FBLN7: variants seen among roughly 807,000 people sequenced by gnomAD.
FBLN7 encodes fibulin-7.
In FBLN7, 31 loss-of-function variants were observed where a neutral mutation model predicts 44.0. The observed-to-expected ratio is 0.70, with a 90% CI of 0.53 to 0.95. The LOEUF is 0.95. FBLN7 is among the 40% of genes least tolerant of loss of function. FBLN7 has a pLI of 0.00. For missense variants in FBLN7, 573 were observed against 618.5 expected (o/e 0.93, Z 0.78); for synonymous variants, 262 against 253.4 (o/e 1.03, Z -0.32).
chr2:112,167,916 T>TTATGTTA (rs879705773), intron 3 of FBLN7, among the ~76,000 whole-genome samples: 1 of 152,174 alleles, frequency 6.6e-6, no homozygotes, highest in Non-Finnish European at 1.5e-5. Context: ...TTATGTTATG[T>TTATGTTA]TATGTTCACT....
chr2:112,198,025 C>T, the FBLN7 span, among the ~76,000 whole-genome samples: 1 of 152,050 alleles, frequency 6.6e-6, no homozygotes, highest in African/African-American at 2.4e-5. Flanking sequence ...ACTCTTAATC[C>T]CCACCCTGGA....
chr2:112,225,041 C>T, the FBLN7 span, among the ~76,000 whole-genome samples: 1 of 152,194 alleles, frequency 6.6e-6, no homozygotes, highest in East Asian at 1.9e-4. Context: ...CTGTTTGATG[C>T]TACTGAATGA....
intron 3 of FBLN7, among the ~76,000 whole-genome samples, chr2:112,170,168 GGAGGCGGA>G (rs1682381653): frequency 6.6e-6 from 1 of 152,106 alleles, no homozygotes; most frequent in South Asian, 2.1e-4. Flanking sequence ...CTTGAACCCG[GGAGGCGGA>G]GATTGCAGTG....
At chr2:112,221,617 C>T in the FBLN7 span, among the ~76,000 whole-genome samples, 245 of 152,186 alleles carry the variant, frequency 1.6e-3, no homozygotes, top group African/African-American at 5.5e-3. Context: ...AGCCAGTCTT[C>T]CAGCTCTGAG....
At chr2:112,199,854 C>T in the FBLN7 span, among the ~76,000 whole-genome samples, 20 of 152,234 alleles carry the variant, frequency 1.3e-4, no homozygotes, top group Non-Finnish European at 2.4e-4. Context: ...ATTATAGAAG[C>T]GAGCTCTCTC....
rs940396578 is a variant in FBLN7, at chr2:112,166,188, C to T, written c.406+1017C>T. On this transcript the variant is annotated intron_variant, in intron 3 of 7. Coordinates refer to ENST00000331203, the MANE Select transcript of FBLN7 (RefSeq NM_153214.3). The stretch of plus-strand genomic sequence containing the variant: ...GCCTCAGCCTCCTGAGTAGCTGGGA[C>T]TACAGGTGCCCACCACCACGTTCAG... Among the ~76,000 whole-genome samples, 3 of 152,180 alleles carry T rather than the reference C, an allele frequency of 2.0e-5. No individual in the cohort carries two copies. The South Asian group carries it at 6.2e-4, about 32-fold the overall frequency.
intron 6 of FBLN7, among the ~76,000 whole-genome samples, chr2:112,184,557 A>T (rs922646598): frequency 1.1e-4 from 17 of 151,994 alleles, no homozygotes; most frequent in African/African-American, 3.9e-4. Context: ...ACAAATCATG[A>T]TATTGAGGTG....
chr2:112,196,482 T>C, the FBLN7 span, among the ~76,000 whole-genome samples: 3 of 149,812 alleles, frequency 2.0e-5, no homozygotes, highest in Non-Finnish European at 4.4e-5. Flanking sequence ...CTCATGCCAC[T>C]TCAGTCTCCA....
chr2:112,169,888 G>A (rs1365191990), intron 3 of FBLN7, among the ~76,000 whole-genome samples: 3 of 152,154 alleles, frequency 2.0e-5, no homozygotes, highest in Non-Finnish European at 4.4e-5. Context: ...AGGAGGAATG[G>A]GATCTAGCCA....
At chr2:112,220,039 C>T in the FBLN7 span, among the ~76,000 whole-genome samples, 2 of 152,176 alleles carry the variant, frequency 1.3e-5, no homozygotes, top group Non-Finnish European at 2.9e-5. Flanking sequence ...AGCCTAAGGG[C>T]GTCATTGCAT....
chr2:112,227,043 C>T, the FBLN7 span, among the ~76,000 whole-genome samples: 1 of 152,094 alleles, frequency 6.6e-6, no homozygotes, highest in Admixed American at 6.6e-5. Context: ...AGGAGAGAAC[C>T]TCCTTCAACT....
the FBLN7 span, chr2:112,215,127 T>C: frequency 6.6e-6 from 1 of 152,200 alleles, no homozygotes; most frequent in Non-Finnish European, 1.5e-5. Flanking sequence ...AGTAAACTGC[T>C]AGACTGTAGT....
intron 2 of FBLN7, among the ~76,000 whole-genome samples, chr2:112,160,798 ACGCACG>A (rs1558880482): frequency 5.5e-5 from 7 of 127,460 alleles, no homozygotes; most frequent in African/African-American, 1.7e-4. Context: ...ACACGCACAC[ACGCACG>A]CACACACACG....
At chr2:112,143,067 T>C (rs534772026) in intron 1 of FBLN7, among the ~76,000 whole-genome samples, 111 of 152,272 alleles carry the variant, frequency 7.3e-4, no homozygotes, top group African/African-American at 2.5e-3. Flanking sequence ...TCTCTCCTGC[T>C]CTCCTCTGTG....
At chr2:112,159,228 A>G (rs1681592861) in intron 1 of FBLN7, among the ~76,000 whole-genome samples, 1 of 149,186 alleles carries the variant, frequency 6.7e-6, no homozygotes, top group African/African-American at 2.5e-5. Flanking sequence ...ATATGTCTTT[A>G]AAGAATAGGA....
chr2:112,216,188 G>GTTTCTACAATTTACTAT, the FBLN7 span: 1 of 152,114 alleles, frequency 6.6e-6, no homozygotes. Context: ...ATCAGAAGAG[G>GTTTCTACAATTTACTAT]TTTCTACAAT....
intron 1 of FBLN7, among the ~76,000 whole-genome samples, chr2:112,142,190 G>A (rs1260464325): frequency 6.6e-6 from 1 of 152,116 alleles, no homozygotes; most frequent in Non-Finnish European, 1.5e-5. Flanking sequence ...GTGCATGCTG[G>A]AACAAGCATT....
the FBLN7 span, chr2:112,216,367 G>C: frequency 1.3e-5 from 2 of 152,334 alleles, no homozygotes; most frequent in South Asian, 4.1e-4. Context: ...ACACAAGAGG[G>C]CACTCTGAAT....
chr2:112,174,858 T>A (rs139471713), intron 3 of FBLN7, among the ~76,000 whole-genome samples: 1,916 of 152,200 alleles, frequency 0.013, 42 homozygotes, highest in African/African-American at 0.043. Context: ...TACAGGCACA[T>A]ACCACCATGC....
Sources: gnomAD v4.1 joint callset for allele counts (sites outside exome capture counted in the v4.1 genomes callset) on GRCh38, gnomAD v4.1.1 for gene constraint, MANE v1.5 for transcripts, NCBI Gene and HGNC (gene_info 2026-07-23, HGNC 2026-07-21) for gene names.